Variants in DNAH12 observed in about 807,000 individuals in gnomAD.
DNAH12 encodes axonemal beta dynein heavy chain 12.
In DNAH12, 285 loss-of-function variants were observed where a neutral mutation model predicts 371.5. That is an observed-to-expected ratio of 0.77 (90% CI 0.70 to 0.85). The LOEUF (loss-of-function observed/expected upper bound fraction) is 0.85, where lower values mean the gene tolerates loss of function less well. Ranked by LOEUF, DNAH12 falls within the 40% of genes least tolerant of loss-of-function variation. DNAH12 has a pLI of 0.00. For synonymous variants in DNAH12, 1,200 were observed against 1,213.0 expected (o/e 0.99, Z 0.22); for missense variants, 3,611 against 3,689.4 (o/e 0.98, Z 0.55).
intron 60 of DNAH12, among the ~76,000 whole-genome samples, chr3:57,335,870 G>T (rs1431121532): frequency 6.6e-6 from 1 of 152,224 alleles, no homozygotes; most frequent in East Asian, 1.9e-4. Flanking sequence ...GCCAACCAGA[G>T]TTGAGTCTTT....
chr3:57,389,798 A>ATGTGTGTGTGTG lies in DNAH12; in HGVS notation c.7305+2062_7305+2073dup, dbSNP rs1211815764. 5.1e-3 allele frequency among the ~76,000 whole-genome samples: 468 copies of ATGTGTGTGTGTG among 92,222 alleles called. 13 individuals carry two copies. Among genetic ancestry groups the ATGTGTGTGTGTG allele is most frequent in the East Asian group, 6.5e-3 (14 of 2,156 alleles). The allele number at this position is 92,222 out of a possible 152,430, so 60.5% of individuals were successfully genotyped here. ...TATACATATAAATATATATACACAT[A>ATGTGTGTGTGTG]TGTGTGTGTGTGTGTGTGTGTGTGT... On this transcript the variant is annotated intron_variant, in intron 45 of 73. Transcript: ENST00000495027.
intron 59 of DNAH12, among the ~76,000 whole-genome samples, chr3:57,356,444 A>AAAAT (rs1174174898): frequency 0.26 from 35,871 of 137,448 alleles, 4,931 homozygotes; most frequent in East Asian, 0.35. Context: ...CCTTGTCTCA[A>AAAAT]AAATAAATAA....
intron 72 of DNAH12, 60 bp from the exon 73 acceptor site, chr3:57,295,652 G>A: frequency 7.1e-7 from 1 of 1,401,714 alleles, no homozygotes; most frequent in Non-Finnish European, 9.6e-7. Flanking sequence ...TCTGAGAACA[G>A]ATTGCTACTT....
chr3:57,459,410 T>C (rs995424087), intron 20 of DNAH12, among the ~76,000 whole-genome samples, 182 bp downstream of exon 20: 3 of 152,238 alleles, frequency 2.0e-5, no homozygotes, highest in Admixed American at 6.5e-5. Context: ...AAGCAATGTA[T>C]CTTATGAATT....
intron 57 of DNAH12, among the ~76,000 whole-genome samples, chr3:57,365,876 T>TAC (rs1374400821): frequency 2.0e-5 from 3 of 151,400 alleles, no homozygotes; most frequent in African/African-American, 7.3e-5. Flanking sequence ...TATATATATA[T>TAC]ATAAATGTAT....
intron 69 of DNAH12, among the ~76,000 whole-genome samples, chr3:57,302,880 A>G (rs2061390791): frequency 6.6e-6 from 1 of 150,812 alleles, no homozygotes; most frequent in Admixed American, 6.6e-5. Context: ...CTGGCCAGGT[A>G]GCAGAAAAAT....
At chr3:57,423,205 G>T (rs556857097) in intron 35 of DNAH12, among the ~76,000 whole-genome samples, 1 of 152,154 alleles carries the variant, frequency 6.6e-6, no homozygotes, top group African/African-American at 2.4e-5. Context: ...CTCTCTTGAA[G>T]TGATTCTGAA....
chr3:57,363,101 C>T (rs911962462), intron 58 of DNAH12, among the ~76,000 whole-genome samples: 3 of 152,048 alleles, frequency 2.0e-5, no homozygotes, highest in Non-Finnish European at 2.9e-5. Context: ...TGGAACAGAA[C>T]GGAGCCCTCA....
chr3:57,498,001 T>C, intron 11 of DNAH12: 1 of 152,482 alleles, frequency 6.6e-6, no homozygotes, highest in East Asian at 1.9e-4. Context: ...AAAAACCCAA[T>C]TTAAAATGTA....
intron 40 of DNAH12, among the ~76,000 whole-genome samples, chr3:57,407,140 G>A (rs529217917): frequency 1.3e-5 from 2 of 151,946 alleles, no homozygotes; most frequent in South Asian, 2.1e-4. Flanking sequence ...CTTGTGATCC[G>A]CCCACCTTGG....
intron 60 of DNAH12, among the ~76,000 whole-genome samples, chr3:57,350,960 T>C (rs1338209421): frequency 6.6e-6 from 1 of 152,118 alleles, no homozygotes; most frequent in African/African-American, 2.4e-5. Context: ...AAACAGATTT[T>C]TTTAACAACA....
intron 6 of DNAH12, 82 bp from the exon 7 acceptor site, chr3:57,508,622 T>C (rs2067867272): frequency 6.8e-7 from 1 of 1,474,106 alleles, no homozygotes; most frequent in Non-Finnish European, 9.0e-7. Flanking sequence ...AACATGAAAT[T>C]AGTATTGAAG....
chr3:57,359,082 C>A (rs2062862737), intron 58 of DNAH12, among the ~76,000 whole-genome samples: 2 of 152,108 alleles, frequency 1.3e-5, no homozygotes, highest in South Asian at 4.1e-4. Context: ...CTGCACCCGG[C>A]CGTAATTTTT....
intron 66 of DNAH12, among the ~76,000 whole-genome samples, chr3:57,311,701 T>G (rs1028291358): frequency 6.6e-6 from 1 of 152,192 alleles, no homozygotes; most frequent in African/African-American, 2.4e-5. Flanking sequence ...AGCAAAGAAC[T>G]ATCTGGCCCA....
intron 37 of DNAH12, among the ~76,000 whole-genome samples, chr3:57,416,162 C>A (rs2153358021): frequency 6.6e-6 from 1 of 152,288 alleles, no homozygotes; most frequent in Admixed American, 6.5e-5. Flanking sequence ...TAGCTCACTG[C>A]AGCCTTGAAC....
In DNAH12 at chr3:57,314,242, A is replaced by T. The variant is rs1473355967; in HGVS notation, c.10662+252T>A. ...ATGTTGCCGAATCAACCAAACCCAG[A>T]GTGTGTCCTTCTGCACCTCTTTATT... On this transcript the variant is annotated intron_variant, in intron 66 of 73. Transcript: ENST00000495027. Among the ~76,000 whole-genome samples the T allele has an allele frequency of 5.9e-5, 9 of 152,030 alleles. No individual in the cohort carries two copies. In the East Asian group the frequency reaches 1.7e-3, roughly 29 times the overall value.
At chr3:57,328,198 C>A (rs1042780487) in intron 62 of DNAH12, among the ~76,000 whole-genome samples, 2 of 150,942 alleles carry the variant, frequency 1.3e-5, no homozygotes, top group African/African-American at 2.4e-5. Context: ...GGAATCCTCC[C>A]TAACTCATTT....
intron 35 of DNAH12, among the ~76,000 whole-genome samples, chr3:57,422,736 C>T (rs1036592609): frequency 1.3e-5 from 2 of 152,152 alleles, no homozygotes; most frequent in Non-Finnish European, 2.9e-5. Flanking sequence ...TATATTTCCA[C>T]CTGTGAAAAT....
At chr3:57,487,822 A>T (rs771177408) in intron 12 of DNAH12, among the ~76,000 whole-genome samples, 1 of 152,202 alleles carries the variant, frequency 6.6e-6, no homozygotes, top group Non-Finnish European at 1.5e-5. Context: ...CACAGATACT[A>T]CAAAAATAAA....
Sources: allele counts gnomAD v4.1 joint callset (sites outside exome capture counted in the v4.1 genomes callset), GRCh38; gene constraint gnomAD v4.1.1; transcripts MANE v1.5; gene names NCBI Gene and HGNC (gene_info 2026-07-23, HGNC 2026-07-21).